The following CLASRP variants were observed in gnomAD, a reference collection of about 807,000 sequenced individuals.
The protein encoded by CLASRP is CLK4 associating serine/arginine rich protein, also known as CLK4-associating serine/arginine rich protein.
Under a neutral mutation model 99.9 loss-of-function variants are expected in CLASRP, and 52 were observed. The ratio of observed to expected loss-of-function variants is 0.52; its 90% CI spans 0.42 to 0.66. The LOEUF (loss-of-function observed/expected upper bound fraction) is 0.66, where lower values mean the gene tolerates loss of function less well. Among genes scored for constraint, CLASRP ranks in the 30% least tolerant of loss-of-function variants. CLASRP has a pLI of 0.00. For missense variants in CLASRP, 848 were observed against 999.2 expected (o/e 0.85, Z 2.04); for synonymous variants, 379 against 373.0 (o/e 1.02, Z -0.18).
At position 45,069,207 on chromosome 19, in the gene CLASRP, G is replaced by T. The variant is rs746029510; in HGVS notation, c.1833G>T (p.Arg611=). 3.1e-6 allele frequency: 5 copies of T among 1,613,970 alleles called. No homozygotes were observed. In the African/African-American group the frequency reaches 5.3e-5, roughly 17 times the overall value. The change falls in exon 18 of 21, where the codon CGG becomes CGT. Residue 611 remains arginine, a synonymous_variant. Transcript: ENST00000221455. ...CATAGCCCTGTCTGCTGCAGGAGCG[G>T]GAAGACGAGCTTCGAGCCATGGCCC... ...MIQQEHERQE[R]EDELRAMARK... is the part of the protein sequence containing the mutation.
chr19:45,068,528 T>C, intron 16 of CLASRP, 48 bp downstream of exon 16: 1 of 1,383,080 alleles, frequency 7.2e-7, no homozygotes, highest in Non-Finnish European at 1.0e-6. Flanking sequence ...TTCTTTCCCT[T>C]GGCAGTGGGA....
In CLASRP at chr19:45,054,336, A is replaced by G. The variant is rs549279469; in HGVS notation, c.379+1159A>G. On this transcript the variant is annotated intron_variant, in intron 5 of 20. Transcript: ENST00000221455. ...GCAATCTCAGCTCACTGCAACCTCCACCTCCTGGGTTCAAGTGATTCTCCT... is the reference window on the plus strand; with the variant it reads ...GCAATCTCAGCTCACTGCAACCTCCGCCTCCTGGGTTCAAGTGATTCTCCT... Among the ~76,000 whole-genome samples, 8 of 151,852 alleles carry G rather than the reference A, an allele frequency of 5.3e-5. No individual in the cohort carries two copies. The South Asian group carries it at 1.5e-3, about 28-fold the overall frequency.
chr19:45,043,641 T>C (rs1283834976), intron 2 of CLASRP, among the ~76,000 whole-genome samples: 4 of 152,142 alleles, frequency 2.6e-5, no homozygotes, highest in Non-Finnish European at 5.9e-5. Flanking sequence ...CAGGATTTTT[T>C]TTGAATCCCC....
intron 16 of CLASRP, 98 bp from the exon 17 acceptor site, chr19:45,068,968 C>A: frequency 1.8e-6 from 2 of 1,128,738 alleles, no homozygotes; most frequent in Non-Finnish European, 2.6e-6. Context: ...CCAGCCTGGG[C>A]GACAGAGCGA....
Position 45,064,589 on chromosome 19 carries a change from G to C in CLASRP, c.1368G>C (p.Ser456=). 6.5e-7 allele frequency: 1 copy of C among 1,545,574 alleles called. No individual in the cohort carries two copies. Among genetic ancestry groups the C allele is most frequent in the Non-Finnish European group, 8.7e-7 (1 of 1,150,800 alleles). The part of the protein sequence containing the change: ...GSRDGHRYSR[S]PARRGGYGPR... ...GAGACGGACACCGGTACTCCCGCTC[G>C]CCCGCCCGGCGTGGTGGTTACGGGC... is the stretch of plus-strand genomic sequence containing the variant. Residue 456 remains serine (S), a synonymous_variant, in exon 13 of 21, where the codon TCG becomes TCC. Transcript: ENST00000221455.
rs548729984 is a variant in CLASRP, at chr19:45,047,941, C to T, written c.100-4130C>T. Among the ~76,000 whole-genome samples, 214 of 151,846 alleles carry T rather than the reference C, an allele frequency of 1.4e-3. 2 individuals are homozygous for T. The highest frequency in any genetic ancestry group is 4.8e-3 in the African/African-American group (199 of 41,406). ...TCTACTAAAAATACAAAAAATTAGC[C>T]AGGCAGGTTGGTGCATGCCTGTACT... is the stretch of plus-strand genomic sequence containing the variant. On this transcript the variant is annotated intron_variant, in intron 2 of 20. Transcript: ENST00000221455.
chr19:45,070,840 C>T lies in CLASRP; in HGVS notation c.2020C>T (p.His674Tyr). The part of the protein sequence containing the change: ...RSRSRSPHYR[H>Y] ...CCGATCCCGAAGCCCCCATTACCGA[C>T]ATTAGGCAGAAGAGTGGGGGGTGGG... The change falls in exon 21 of 21, where the codon CAT becomes TAT. Residue 674 changes from histidine to tyrosine, a missense_variant. By Grantham distance (83) the His-to-Tyr change is moderately conservative (BLOSUM62 2). Transcript: ENST00000221455. 6.4e-7 allele frequency: 1 copy of T among 1,553,118 alleles called. No individual in the cohort carries two copies. The highest frequency in any genetic ancestry group is 1.1e-5 in the South Asian group (1 of 89,644).
chr19:45,062,667 C>T (rs1966968061), intron 11 of CLASRP, among the ~76,000 whole-genome samples: 1 of 152,230 alleles, frequency 6.6e-6, no homozygotes, highest in Non-Finnish European at 1.5e-5. Flanking sequence ...AGGCGTGAGC[C>T]ACCACGCCCG....
intron 11 of CLASRP, among the ~76,000 whole-genome samples, chr19:45,062,408 C>T (rs543909858): frequency 4.6e-5 from 7 of 152,250 alleles, no homozygotes; most frequent in Non-Finnish European, 7.4e-5. Context: ...GACGGAGTCT[C>T]GCTATGTCGC....
intron 17 of CLASRP, 28 bp downstream of exon 17, chr19:45,069,152 G>A (rs769548343): frequency 6.2e-7 from 1 of 1,614,036 alleles, no homozygotes; most frequent in Non-Finnish European, 8.5e-7. Flanking sequence ...GGGCTGGGGT[G>A]ACGGGTGGGT....
At position 45,064,627 on chromosome 19, in the gene CLASRP, G is replaced by A; in HGVS notation, c.1406G>A (p.Ser469Asn). The change falls in exon 13 of 21, where the codon AGC becomes AAC. Residue 469 changes from serine to asparagine, a missense_variant. Physicochemically the swap from Ser to Asn is conservative, Grantham distance 46 (BLOSUM62 1). Around this residue, in one of 8 missense-constraint regions of CLASRP, gnomAD observed 489 missense variants for 434.7 expected, o/e 1.12. Coordinates refer to ENST00000221455, the MANE Select transcript of CLASRP (RefSeq NM_007056.3). Reference protein sequence around the residue: ...RRGGYGPRRRSRSRSHSGDRY... With the variant: ...RRGGYGPRRRNRSRSHSGDRY... ...GGTGGTTACGGGCCCCGGCGCAGAA[G>A]CAGGTGTGTGTGGCTGGGCGTGGAG... 6.4e-7 allele frequency: 1 copy of A among 1,550,944 alleles called. No homozygotes were observed. Among genetic ancestry groups the A allele is most frequent in the Non-Finnish European group, 8.7e-7 (1 of 1,154,480 alleles).
chr19:45,070,010 A>G lies in CLASRP; in HGVS notation c.1875-12A>G, dbSNP rs776833096. 15 of 1,532,636 alleles carry G rather than the reference A, an allele frequency of 9.8e-6. No individual in the cohort carries two copies. The highest frequency in any genetic ancestry group is 1.3e-5 in the Non-Finnish European group (14 of 1,105,878). 94.9% of individuals were successfully genotyped at this position (1,532,636 alleles called of 1,614,324 possible). On this transcript the variant is annotated splice_polypyrimidine_tract_variant and intron_variant, in intron 18 of 20. Transcript: ENST00000221455. ...GTGTTCCCGGCCAGATGCTCATGCC[A>G]TGCCTTCGCAGGGAGCGGGAACGCC...
At chr19:45,065,522 C>G (rs1226305174) in intron 13 of CLASRP, among the ~76,000 whole-genome samples, 1 of 151,306 alleles carries the variant, frequency 6.6e-6, no homozygotes, top group African/African-American at 2.4e-5. Flanking sequence ...GATTGTGCCA[C>G]TGCACCCCAG....
chr19:45,059,668 A>T (rs1256839671), intron 8 of CLASRP, among the ~76,000 whole-genome samples: 3 of 152,144 alleles, frequency 2.0e-5, no homozygotes, highest in African/African-American at 7.2e-5. Flanking sequence ...GAGAGGCTTC[A>T]TTCCCTGGTT....
intron 1 of CLASRP, 167 bp from the exon 2 acceptor site, chr19:45,040,017 A>G (rs1400061148): frequency 2.1e-6 from 1 of 484,840 alleles, no homozygotes; most frequent in Non-Finnish European, 3.8e-6. Context: ...GTTGTTAGGG[A>G]TGGACTTGAA....
At chr19:45,061,795 A>G (rs1966945070) in intron 10 of CLASRP, among the ~76,000 whole-genome samples, 2 of 150,836 alleles carry the variant, frequency 1.3e-5, no homozygotes, top group African/African-American at 2.5e-5. Flanking sequence ...TATCATCATC[A>G]TCATCATCAT....
At chr19:45,062,119 C>A (rs558505065) in intron 10 of CLASRP, 35 bp from the exon 11 acceptor site, 2 of 1,286,680 alleles carry the variant, frequency 1.6e-6, no homozygotes, top group East Asian at 2.3e-5. Flanking sequence ...AGATCTTAAG[C>A]CCTAATTTGT....
intron 2 of CLASRP, among the ~76,000 whole-genome samples, chr19:45,046,930 G>A (rs1971927846): frequency 6.6e-6 from 1 of 152,196 alleles, no homozygotes; most frequent in Admixed American, 6.5e-5. Context: ...GGGAGGCTGA[G>A]GCAGGAGAAT....
At position 45,060,429 on chromosome 19, in the gene CLASRP, C is replaced by T. The variant is rs1303873117; in HGVS notation, c.751C>T (p.His251Tyr). The T allele has an allele frequency of 6.2e-7, 1 of 1,614,196 alleles. No homozygotes were observed. The highest frequency in any genetic ancestry group is 1.1e-5 in the South Asian group (1 of 91,080). The change falls in exon 9 of 21, where the codon CAT becomes TAT. Residue 251 changes from histidine to tyrosine, a missense_variant. Physicochemically the swap from His to Tyr is moderately conservative, Grantham distance 83. This residue lies in a region of CLASRP where 119 missense variants were observed against 170.2 expected (regional missense o/e 0.70). Transcript: ENST00000221455. The surrounding 1 kb of genome is among the most constrained non-coding windows in gnomAD (Gnocchi z 4.6). ...CAAGGAGGAGGCAGAGGCCATCAAG[C>T]ATGCCAAGGCTCTTGAGGAGGAGAA... is the stretch of plus-strand genomic sequence containing the variant. ...KDKEEAEAIKHAKALEEEKAM... is the reference protein window; with the variant it reads ...KDKEEAEAIKYAKALEEEKAM...
Sources: allele counts gnomAD v4.1 joint callset (sites outside exome capture counted in the v4.1 genomes callset), GRCh38; gene constraint gnomAD v4.1.1; regional missense constraint gnomAD v4.1.1; non-coding constraint Gnocchi (gnomAD v3.1); transcripts MANE v1.5; gene names NCBI Gene and HGNC (gene_info 2026-07-23, HGNC 2026-07-21).